Variants in ROBO1 observed in about 807,000 individuals in gnomAD.
The protein encoded by ROBO1 is roundabout homolog 1.
In ROBO1, 149 loss-of-function variants were observed where a neutral mutation model predicts 195.9. That is an observed-to-expected ratio of 0.76 (90% CI 0.67 to 0.87). ROBO1 has a LOEUF of 0.87. Ranked by LOEUF, ROBO1 falls within the 40% of genes least tolerant of loss-of-function variation. The pLI, the probability that ROBO1 is intolerant of heterozygous loss-of-function variation, is 0.00. For missense variants in ROBO1, 1,933 were observed against 2,068.3 expected, an observed-to-expected ratio of 0.93 and a Z score of 1.27; for synonymous variants, 816 against 733.2, an observed-to-expected ratio of 1.11 and a Z score of -1.82.
chr3:78,798,380 T>C (rs1167276312), intron 4 of ROBO1, among the ~76,000 whole-genome samples: 2 of 152,196 alleles, frequency 1.3e-5, no homozygotes, highest in Non-Finnish European at 2.9e-5. Context: ...AATTACTAAG[T>C]AGTATGGATA....
At chr3:79,095,707 T>C (rs971748317) in intron 3 of ROBO1, among the ~76,000 whole-genome samples, 13 of 152,106 alleles carry the variant, frequency 8.5e-5, no homozygotes, top group Non-Finnish European at 1.3e-4. Context: ...AAAACTAATG[T>C]ACTTCTGTTG....
intron 3 of ROBO1, among the ~76,000 whole-genome samples, chr3:79,021,786 A>T (rs895418612): frequency 6.6e-6 from 1 of 150,658 alleles, no homozygotes; most frequent in African/African-American, 2.4e-5. Context: ...TCAGCCTCCC[A>T]AGTAGCTGGG....
intron 4 of ROBO1, among the ~76,000 whole-genome samples, chr3:78,911,891 G>A (rs17016593): frequency 0.041 from 6,195 of 152,064 alleles, 220 homozygotes; most frequent in African/African-American, 0.1. Flanking sequence ...GAGATAGTCC[G>A]CTATTTTGAT....
intron 25 of ROBO1, 36 bp downstream of exon 25, chr3:78,631,125 T>C (rs1375746564): frequency 6.3e-7 from 1 of 1,590,082 alleles, no homozygotes; most frequent in South Asian, 1.1e-5. Context: ...AACAATCATA[T>C]TACACTGTTT....
chr3:78,947,695 G>A (rs773998361), intron 3 of ROBO1, among the ~76,000 whole-genome samples: 51 of 152,132 alleles, frequency 3.4e-4, no homozygotes, highest in Non-Finnish European at 6.2e-4. Flanking sequence ...GACGGAAATA[G>A]AGACAATAAA....
intron 4 of ROBO1, among the ~76,000 whole-genome samples, chr3:78,828,916 A>C (rs2031888380): frequency 6.6e-6 from 1 of 152,234 alleles, no homozygotes; most frequent in Admixed American, 6.5e-5. Flanking sequence ...CCAACTAGCT[A>C]ACTATAGAAA....
At chr3:79,185,246 G>C (rs985177326) in intron 2 of ROBO1, among the ~76,000 whole-genome samples, 3 of 152,078 alleles carry the variant, frequency 2.0e-5, no homozygotes, top group Non-Finnish European at 4.4e-5. Context: ...ATCTCTCCAG[G>C]TGTCTTTGAG....
At chr3:78,976,093 G>A (rs1327469383) in intron 3 of ROBO1, among the ~76,000 whole-genome samples, 1 of 152,190 alleles carries the variant, frequency 6.6e-6, no homozygotes, top group Non-Finnish European at 1.5e-5. Flanking sequence ...ATAGGCTATG[G>A]CATCGAATAA....
intron 3 of ROBO1, among the ~76,000 whole-genome samples, chr3:79,033,359 A>C (rs2108309072): frequency 6.6e-6 from 1 of 152,232 alleles, no homozygotes; most frequent in South Asian, 2.1e-4. Context: ...ATAAAATTTA[A>C]AGAGTTATTT....
chr3:79,248,471 A>C (rs146542944), intron 2 of ROBO1, among the ~76,000 whole-genome samples: 5 of 152,048 alleles, frequency 3.3e-5, no homozygotes, highest in Middle Eastern at 3.4e-3. Flanking sequence ...CAAAAGACTG[A>C]CAGAAAGGAC....
intron 26 of ROBO1, among the ~76,000 whole-genome samples, chr3:78,620,405 G>A (rs1234462167): frequency 1.3e-5 from 2 of 152,028 alleles, no homozygotes; most frequent in African/African-American, 2.4e-5. Context: ...CCAGCTACTC[G>A]GAAGGCTGAG....
intron 2 of ROBO1, among the ~76,000 whole-genome samples, chr3:79,269,225 A>G (rs1419246216): frequency 1.3e-5 from 2 of 151,780 alleles, no homozygotes; most frequent in Non-Finnish European, 3.0e-5. Flanking sequence ...GAGGGAAAAT[A>G]ATATGAGAAG....
intron 1 of ROBO1, among the ~76,000 whole-genome samples, chr3:79,622,290 G>A (rs766430248): frequency 1.4e-4 from 22 of 152,204 alleles, no homozygotes; most frequent in Non-Finnish European, 3.2e-4. Context: ...CCTGTCAGCT[G>A]GAACCTGCTT....
At chr3:79,005,306 A>G (rs1225468741) in intron 3 of ROBO1, among the ~76,000 whole-genome samples, 1 of 152,172 alleles carries the variant, frequency 6.6e-6, no homozygotes, top group African/African-American at 2.4e-5. Context: ...CCTGAGCTGT[A>G]GCTCTAGAAT....
intron 2 of ROBO1, among the ~76,000 whole-genome samples, chr3:79,282,711 C>T (rs893421109): frequency 1.3e-5 from 2 of 152,080 alleles, no homozygotes; most frequent in African/African-American, 4.8e-5. Flanking sequence ...TCTTGCTCTG[C>T]CTCAGAGGAT....
intron 2 of ROBO1, among the ~76,000 whole-genome samples, chr3:79,298,016 T>C (rs1227680690): frequency 6.6e-6 from 1 of 152,154 alleles, no homozygotes; most frequent in Admixed American, 6.5e-5. Context: ...CTTTAATGTT[T>C]CACTATATGT....
In ROBO1 at chr3:78,668,472, C is replaced by T. The variant is rs1707867461; in HGVS notation, c.1630+12G>A. On this transcript the variant is annotated intron_variant, in intron 12 of 30. Transcript: ENST00000464233. ...AAGCTTCACTTTAAGGGAAACACAC[C>T]ATTTACTTTACCTTGAACTTCAATG... The T allele has an allele frequency of 1.2e-6, 2 of 1,613,174 alleles. No homozygotes were observed. Among genetic ancestry groups the T allele is most frequent in the African/African-American group, 2.7e-5 (2 of 74,882 alleles).
chr3:79,106,637 C>T (rs1424417771), intron 3 of ROBO1, among the ~76,000 whole-genome samples: 1 of 151,442 alleles, frequency 6.6e-6, no homozygotes, highest in Non-Finnish European at 1.5e-5. Context: ...CCTAGACCTA[C>T]ATTAAAATTT....
chr3:78,810,431 A>G (rs1289967710), intron 4 of ROBO1, among the ~76,000 whole-genome samples: 1 of 152,164 alleles, frequency 6.6e-6, no homozygotes, highest in Non-Finnish European at 1.5e-5. Flanking sequence ...TTGAAAAAAA[A>G]TTCTCTTAGA....
Sources: allele counts gnomAD v4.1 joint callset (sites outside exome capture counted in the v4.1 genomes callset), GRCh38; gene constraint gnomAD v4.1.1; transcripts MANE v1.5; gene names NCBI Gene and HGNC (gene_info 2026-07-23, HGNC 2026-07-21).